The following P4HA3 variants were observed in gnomAD, a reference collection of about 807,000 sequenced individuals.
P4HA3 encodes prolyl 4-hydroxylase subunit alpha 3.
Under a neutral mutation model 66.7 loss-of-function variants are expected in P4HA3, and 60 were observed. That is an observed-to-expected ratio of 0.90 (90% CI 0.73 to 1.12). P4HA3 has a LOEUF of 1.12. Among genes scored for constraint, P4HA3 ranks in the 50% most tolerant of loss-of-function variants. The pLI is 0.00. For synonymous variants in P4HA3, 263 were observed against 274.6 expected, an observed-to-expected ratio of 0.96 and a Z score of 0.42; for missense variants, 683 against 685.8, an observed-to-expected ratio of 1.00 and a Z score of 0.05.
At position 74,267,314 on chromosome 11, in the gene P4HA3, G is replaced by C. The variant is rs1860022784; in HGVS notation, c.1569C>G (p.Ala523=). The C allele has an allele frequency of 6.2e-7, 1 of 1,614,114 alleles. No individual in the cohort carries two copies. Among genetic ancestry groups the C allele is most frequent in the Non-Finnish European group, 8.5e-7 (1 of 1,179,996 alleles). Reference sequence around the variant, plus strand: ...GTCCATACTCATGTATCCACTTGTTGGCCACTGGGAGAGAACAGGGAAGAA... The same window carrying C: ...GTCCATACTCATGTATCCACTTGTTCGCCACTGGGAGAGAACAGGGAAGAA... ...CPVLVGDKWV[A]NKWIHEYGQE... Residue 523 remains alanine (A), a synonymous_variant, in exon 13 of 13, where the codon GCC becomes GCG. Coordinates refer to ENST00000331597, the MANE Select transcript of P4HA3 (RefSeq NM_182904.5).
In P4HA3 at chr11:74,251,493, T is replaced by C. The variant is rs544382304; in HGVS notation, c.*1319-3492A>G. On this transcript the variant is annotated intron_variant and NMD_transcript_variant, in intron 15 of 15. Coordinates refer to the P4HA3 transcript ENST00000524388. ...GTGGGGAGGAGTCTTCTAGCTCTGC[T>C]AGGGAGGGCCTAGGTCCTTTTAATT... The C allele has an allele frequency of 4.3e-4, 620 of 1,446,770 alleles. 3 individuals carry two copies. The African/African-American group carries it at 7.5e-3, about 17-fold the overall frequency. The allele number at this position is 1,446,770 out of a possible 1,614,324, so 89.6% of individuals were successfully genotyped here.
Position 74,250,490 on chromosome 11 carries a change from C to A in P4HA3, c.*1319-2489G>T, listed in dbSNP as rs1052165918. On this transcript the variant is annotated intron_variant and NMD_transcript_variant, in intron 15 of 15. Coordinates refer to the P4HA3 transcript ENST00000524388. ...CTCCAGCCTTATTGTTAACCACTCT[C>A]ATAAGCACCATGCCAAGCTTCTTGT... The A allele has an allele frequency of 5.1e-5, 8 of 158,270 alleles. No individual in the cohort carries two copies. The South Asian group carries it at 1.5e-3, about 30-fold the overall frequency. 9.8% of individuals were successfully genotyped at this position (158,270 alleles called of 1,614,324 possible).
chr11:74,296,452 AG>A (rs1039430053), intron 4 of P4HA3, among the ~76,000 whole-genome samples: 1 of 152,172 alleles, frequency 6.6e-6, no homozygotes, highest in African/African-American at 2.4e-5. Context: ...CTAATTTACT[AG>A]GGGGTGAGGA....
intron 5 of P4HA3, chr11:74,287,112 C>T (rs544127667): frequency 5.6e-5 from 67 of 1,190,356 alleles, no homozygotes; most frequent in Non-Finnish European, 6.8e-5. Context: ...TTGTTTGTGC[C>T]CACCTGTTTG....
At chr11:74,292,068 C>T (rs1254093800) in intron 4 of P4HA3, among the ~76,000 whole-genome samples, 2 of 152,172 alleles carry the variant, frequency 1.3e-5, no homozygotes, top group Admixed American at 1.3e-4. Flanking sequence ...GTGAATCCAT[C>T]TGGTCCTGGA....
In P4HA3 at chr11:74,267,254, T is replaced by C; in HGVS notation, c.1629A>G (p.Glu543=). 2 of 1,614,206 alleles carry C rather than the reference T, an allele frequency of 1.2e-6. No individual in the cohort carries two copies. The highest frequency in any genetic ancestry group is 4.5e-5 in the East Asian group (2 of 44,888). ...GCTTCTCTCTGCCAACAGTTCAGTC[T>C]TCAGGGCTGGAGCTGCAGGGTCTGC... ...EFRRPCSSSP[E]D is the part of the protein sequence containing the mutation. Residue 543 remains glutamate (E), a synonymous_variant, in exon 13 of 13, where the codon GAA becomes GAG. Coordinates refer to ENST00000331597, the MANE Select transcript of P4HA3 (RefSeq NM_182904.5).
At chr11:74,300,545 C>G (rs1861374924) in intron 3 of P4HA3, among the ~76,000 whole-genome samples, 1 of 152,032 alleles carries the variant, frequency 6.6e-6, no homozygotes, top group African/African-American at 2.4e-5. Context: ...CTTGAGCCCC[C>G]CCAGGTGGGA....
chr11:74,263,998 C>T (rs767946168), downstream of P4HA3, among the ~76,000 whole-genome samples: 3 of 152,198 alleles, frequency 2.0e-5, no homozygotes, highest in Admixed American at 6.5e-5. Context: ...AGATATCTAT[C>T]TATCTACTAA....
At chr11:74,297,165 G>C (rs2134803259) in intron 4 of P4HA3, among the ~76,000 whole-genome samples, 1 of 152,054 alleles carries the variant, frequency 6.6e-6, no homozygotes, top group Middle Eastern at 3.4e-3. Flanking sequence ...TGTTGGTCAG[G>C]CTGGTCTTGA....
chr11:74,255,978 T>C (rs1411542564), intron 15 of P4HA3: 1 of 509,428 alleles, frequency 2.0e-6, no homozygotes, highest in Non-Finnish European at 3.9e-6. Context: ...GAGGGCAGCA[T>C]GATCACTTGG....
At chr11:74,310,752 C>T (rs1313394215) in intron 1 of P4HA3, among the ~76,000 whole-genome samples, 1 of 152,216 alleles carries the variant, frequency 6.6e-6, no homozygotes, top group African/African-American at 2.4e-5. Flanking sequence ...GCATCATTCA[C>T]ATGCAGAGTA....
chr11:74,283,281 C>T (rs1860672291), intron 7 of P4HA3, among the ~76,000 whole-genome samples: 1 of 152,172 alleles, frequency 6.6e-6, no homozygotes, highest in African/African-American at 2.4e-5. Context: ...CTCCCGTTAC[C>T]ATGGCAACAG....
At chr11:74,305,362 G>C (rs1380242826) in intron 1 of P4HA3, among the ~76,000 whole-genome samples, 2 of 152,094 alleles carry the variant, frequency 1.3e-5, no homozygotes, top group African/African-American at 4.8e-5. Flanking sequence ...TAAATAGATT[G>C]TCTCATTTAA....
intron 4 of P4HA3, among the ~76,000 whole-genome samples, chr11:74,295,609 T>C (rs1038999656): frequency 6.6e-5 from 10 of 152,254 alleles, no homozygotes; most frequent in African/African-American, 9.6e-5. Context: ...TACATAGTTA[T>C]AAGCATATTT....
At chr11:74,292,439 A>T (rs922126098) in intron 4 of P4HA3, among the ~76,000 whole-genome samples, 3 of 151,758 alleles carry the variant, frequency 2.0e-5, no homozygotes, top group African/African-American at 4.8e-5. Flanking sequence ...TTGTGTCTCT[A>T]TTTCCTTCAA....
intron 1 of P4HA3, among the ~76,000 whole-genome samples, chr11:74,305,651 C>T (rs573645077): frequency 2.6e-5 from 4 of 152,138 alleles, no homozygotes; most frequent in South Asian, 2.1e-4. Flanking sequence ...TCAATCTACA[C>T]GAGTTATTTG....
intron 15 of P4HA3, among the ~76,000 whole-genome samples, chr11:74,258,802 TGGG>T (rs1475739423): frequency 1.3e-5 from 2 of 152,130 alleles, no homozygotes; most frequent in East Asian, 3.9e-4. Context: ...CATCCCAAAA[TGGG>T]GGGATAATCC....
chr11:74,261,702 CTCAA>C (rs147555584), downstream of P4HA3, among the ~76,000 whole-genome samples: 478 of 151,986 alleles, frequency 3.1e-3, 2 homozygotes, highest in Admixed American at 4.8e-3. Context: ...AGGTCAGAGA[CTCAA>C]TCAGTCATCC....
rs1859663554 is a variant in P4HA3 at position 74,251,568 on chromosome 11, C to T, written c.*1319-3567G>A. Reference sequence around the variant, plus strand: ...GGATGAGGGCACCGTAGAGCCTAACCATCTAACAGTAGCTCACAGCCCAAG... The same window carrying T: ...GGATGAGGGCACCGTAGAGCCTAACTATCTAACAGTAGCTCACAGCCCAAG... On this transcript the variant is annotated intron_variant and NMD_transcript_variant, in intron 15 of 15. Transcript: ENST00000524388. The T allele has an allele frequency of 2.5e-6, 4 of 1,572,382 alleles. No homozygotes were observed. The East Asian group carries it at 6.7e-5, about 26-fold the overall frequency.
Sources: gnomAD v4.1 joint callset for allele counts (sites outside exome capture counted in the v4.1 genomes callset) on GRCh38, gnomAD v4.1.1 for gene constraint, MANE v1.5 for transcripts, NCBI Gene and HGNC (gene_info 2026-07-23, HGNC 2026-07-21) for gene names.